Variants in RSPO2 observed in about 807,000 individuals in gnomAD.
RSPO2 encodes the protein R-spondin-2.
Under a neutral mutation model 30.9 loss-of-function variants are expected in RSPO2, and 14 were observed. The observed-to-expected ratio is 0.45, with a 90% CI of 0.30 to 0.71. The LOEUF is 0.71. RSPO2 is among the 30% of genes least tolerant of loss of function. RSPO2 has a pLI of 0.08. For synonymous variants in RSPO2, 107 were observed against 96.4 expected, an observed-to-expected ratio of 1.11 and a Z score of -0.64; for missense variants, 264 against 301.9, an observed-to-expected ratio of 0.87 and a Z score of 0.93.
intron 3 of RSPO2, among the ~76,000 whole-genome samples, chr8:107,962,313 A>G (rs1237337350): frequency 1.3e-5 from 2 of 152,250 alleles, no homozygotes; most frequent in Admixed American, 6.5e-5. Flanking sequence ...AATAGATCAC[A>G]TAAGAAATAA....
intron 2 of RSPO2, among the ~76,000 whole-genome samples, chr8:108,070,278 C>CA (rs1812797458): frequency 2.5e-5 from 2 of 81,190 alleles, no homozygotes; most frequent in Non-Finnish European, 4.5e-5. Context: ...GACCCCATCT[C>CA]TTTTTTTTTT....
At chr8:107,938,524 C>T (rs1251304965) in intron 5 of RSPO2, among the ~76,000 whole-genome samples, 1 of 152,132 alleles carries the variant, frequency 6.6e-6, no homozygotes, top group East Asian at 1.9e-4. Flanking sequence ...AATTCCCCAG[C>T]CCATCAACCA....
At chr8:108,068,373 T>C (rs1029494938) in intron 2 of RSPO2, among the ~76,000 whole-genome samples, 2 of 152,198 alleles carry the variant, frequency 1.3e-5, no homozygotes, top group Non-Finnish European at 2.9e-5. Context: ...ATGTCCAATA[T>C]ACACTCTGTA....
chr8:108,000,151 T>C (rs1815189011), intron 2 of RSPO2, among the ~76,000 whole-genome samples: 1 of 152,010 alleles, frequency 6.6e-6, no homozygotes, highest in African/African-American at 2.4e-5. Flanking sequence ...TCTTAGGTGG[T>C]TCTGCTTGAG....
Position 108,072,180 on chromosome 8 carries a change from GAA to G in RSPO2, c.94+10363_94+10364del, listed in dbSNP as rs372967153. On this transcript the variant is annotated intron_variant, in intron 2 of 5. Transcript: ENST00000276659. ...AGTAAGTCTTCAAAATCTTGGAGGA[GAA>G]AAAGAGTGAATAACTAAACATGAAG... Among the ~76,000 whole-genome samples, 307 of 152,158 alleles carry G rather than the reference GAA, an allele frequency of 2.0e-3. 1 individual carries two copies. Among genetic ancestry groups the G allele is most frequent in the African/African-American group, 7.0e-3 (292 of 41,526 alleles).
At chr8:108,055,273 A>G (rs1812207490) in intron 2 of RSPO2, among the ~76,000 whole-genome samples, 1 of 152,218 alleles carries the variant, frequency 6.6e-6, no homozygotes, top group Non-Finnish European at 1.5e-5. Flanking sequence ...GAGGAAGTCA[A>G]GAGTGTATGA....
intron 5 of RSPO2, among the ~76,000 whole-genome samples, chr8:107,935,951 T>C (rs1213403973): frequency 3.3e-5 from 5 of 152,212 alleles, no homozygotes; most frequent in African/African-American, 9.6e-5. Flanking sequence ...TTTCTATGCG[T>C]TGCTAACACT....
chr8:107,976,359 C>T (rs1814210835), intron 3 of RSPO2, among the ~76,000 whole-genome samples: 1 of 152,206 alleles, frequency 6.6e-6, no homozygotes. Context: ...CTTAGCTCTC[C>T]ATACTGTGTG....
intron 3 of RSPO2, among the ~76,000 whole-genome samples, chr8:107,965,636 C>G (rs1028953549): frequency 1.3e-5 from 2 of 151,080 alleles, no homozygotes; most frequent in African/African-American, 2.5e-5. Flanking sequence ...TCCTGCCATT[C>G]AAGTTTTTTT....
intron 2 of RSPO2, among the ~76,000 whole-genome samples, chr8:108,051,462 G>A (rs1812077693): frequency 6.6e-6 from 1 of 152,102 alleles, no homozygotes; most frequent in East Asian, 1.9e-4. Context: ...GTGTAGACTG[G>A]AAGTCAAATC....
intron 2 of RSPO2, among the ~76,000 whole-genome samples, chr8:108,041,401 T>A (rs547986972): frequency 2.0e-5 from 3 of 151,968 alleles, no homozygotes; most frequent in East Asian, 3.9e-4. Flanking sequence ...TGCTGGGGAA[T>A]GAGAGAAGAT....
chr8:107,987,852 C>T (rs575014155), intron 3 of RSPO2, among the ~76,000 whole-genome samples: 1 of 152,110 alleles, frequency 6.6e-6, no homozygotes, highest in Non-Finnish European at 1.5e-5. Flanking sequence ...TAGACACATA[C>T]ACAGTGTGTT....
rs1483322041 is a variant in RSPO2, at chr8:108,063,238, A to G, written c.94+19307T>C. On this transcript the variant is annotated intron_variant, in intron 2 of 5. Coordinates refer to ENST00000276659, the MANE Select transcript of RSPO2 (RefSeq NM_178565.5). Reference sequence around the variant, plus strand: ...ATTCAACTAGGAAAAGAGGAAGTCAATTGTCCCCGTTTGAAGATGACATGA... The same window carrying G: ...ATTCAACTAGGAAAAGAGGAAGTCAGTTGTCCCCGTTTGAAGATGACATGA... Among the ~76,000 whole-genome samples the G allele has an allele frequency of 4.0e-5, 6 of 151,784 alleles. 1 individual carries two copies. Among genetic ancestry groups the G allele is most frequent in the African/African-American group, 1.2e-4 (5 of 41,086 alleles).
intron 5 of RSPO2, among the ~76,000 whole-genome samples, chr8:107,930,559 T>C (rs1304266039): frequency 6.6e-6 from 1 of 152,208 alleles, no homozygotes; most frequent in Non-Finnish European, 1.5e-5. Flanking sequence ...GCCACTAGCA[T>C]TTTTCATGAT....
At chr8:107,917,530 A>G (rs944562063) in intron 5 of RSPO2, among the ~76,000 whole-genome samples, 1 of 152,140 alleles carries the variant, frequency 6.6e-6, no homozygotes, top group Admixed American at 6.6e-5. Flanking sequence ...TGTGATATCC[A>G]GTGTTTTAAA....
intron 2 of RSPO2, among the ~76,000 whole-genome samples, chr8:108,042,527 G>T (rs1314238961): frequency 6.6e-6 from 1 of 152,090 alleles, no homozygotes; most frequent in Non-Finnish European, 1.5e-5. Context: ...CCCGTGCCGT[G>T]CTCATTAACT....
chr8:107,944,169 C>T (rs980926967), intron 5 of RSPO2, among the ~76,000 whole-genome samples: 1 of 152,054 alleles, frequency 6.6e-6, no homozygotes, highest in African/African-American at 2.4e-5. Context: ...ATTCTAATAA[C>T]TAAATTAAGA....
chr8:108,022,138 A>G (rs1045637015), intron 2 of RSPO2, among the ~76,000 whole-genome samples: 5 of 152,032 alleles, frequency 3.3e-5, no homozygotes, highest in African/African-American at 9.7e-5. Context: ...TCCCCACACC[A>G]TGCTACAAAA....
intron 2 of RSPO2, among the ~76,000 whole-genome samples, chr8:108,063,221 A>G (rs1163425153): frequency 6.6e-6 from 1 of 151,804 alleles, no homozygotes; most frequent in African/African-American, 2.4e-5. Context: ...GCATTCAACT[A>G]GGAAAAGAGG....
Sources: gnomAD v4.1 joint callset for allele counts (sites outside exome capture counted in the v4.1 genomes callset) on GRCh38, gnomAD v4.1.1 for gene constraint, MANE v1.5 for transcripts, NCBI Gene and HGNC (gene_info 2026-07-23, HGNC 2026-07-21) for gene names.